Variants in RGS7 observed in about 807,000 individuals in gnomAD.
RGS7 encodes regulator of G-protein signaling 7.
In RGS7, 27 loss-of-function variants were observed where a neutral mutation model predicts 81.1. The ratio of observed to expected loss-of-function variants is 0.33; its 90% CI spans 0.25 to 0.46. RGS7 has a LOEUF of 0.46. RGS7 is among the 20% of genes least tolerant of loss of function. The probability of loss-of-function intolerance (pLI) is 1.00; values close to 1 mark genes in which losing one functional copy is unlikely to be tolerated. For synonymous variants in RGS7, 208 were observed against 207.7 expected (o/e 1.00, Z -0.01); for missense variants, 396 against 607.4 (o/e 0.65, Z 3.66).
chr1:241,157,130 A>C (rs568520431), intron 2 of RGS7, among the ~76,000 whole-genome samples: 5 of 152,320 alleles, frequency 3.3e-5, no homozygotes, highest in Admixed American at 3.3e-4. Flanking sequence ...GAATTAAAAA[A>C]AAAAAAAGAC....
chr1:241,151,584 T>TG (rs1166003589), intron 2 of RGS7, among the ~76,000 whole-genome samples: 2 of 150,624 alleles, frequency 1.3e-5, no homozygotes, highest in African/African-American at 4.9e-5. Context: ...TTTTTTTTTT[T>TG]TTTACTTTAA....
chr1:241,087,995 T>C (rs141066003), intron 3 of RGS7, among the ~76,000 whole-genome samples: 8,323 of 115,788 alleles, frequency 0.072, 308 homozygotes, highest in East Asian at 0.094. Context: ...TATATATATA[T>C]ACACACACAC....
intron 2 of RGS7, among the ~76,000 whole-genome samples, chr1:241,170,798 A>T (rs990732762): frequency 6.6e-6 from 1 of 151,564 alleles, no homozygotes; most frequent in Non-Finnish European, 1.5e-5. Flanking sequence ...AAAATTATTT[A>T]TGTTGCATTT....
chr1:241,073,952 G>A (rs2062642053), intron 3 of RGS7, among the ~76,000 whole-genome samples: 1 of 151,076 alleles, frequency 6.6e-6, no homozygotes, highest in Non-Finnish European at 1.5e-5. Context: ...CCAGGCTGGA[G>A]TGCAGTGGCA....
chr1:241,221,020 AGG>A (rs2074933932), intron 2 of RGS7, among the ~76,000 whole-genome samples: 5 of 113,902 alleles, frequency 4.4e-5, no homozygotes, highest in African/African-American at 1.5e-4. Context: ...GAAGGAAGGA[AGG>A]AAGGAAGGAA....
At chr1:241,089,976 A>T (rs2063767422) in intron 3 of RGS7, among the ~76,000 whole-genome samples, 1 of 140,714 alleles carries the variant, frequency 7.1e-6, no homozygotes. Flanking sequence ...CCTGGGCGGC[A>T]GAGTGAGACT....
intron 9 of RGS7, among the ~76,000 whole-genome samples, chr1:240,864,361 G>A (rs1457433647): frequency 6.6e-6 from 1 of 152,190 alleles, no homozygotes; most frequent in African/African-American, 2.4e-5. Context: ...AAGGAAACAT[G>A]TTTTAGTCAT....
At chr1:241,007,968 G>A (rs1044816957) in intron 3 of RGS7, among the ~76,000 whole-genome samples, 41 of 152,126 alleles carry the variant, frequency 2.7e-4, no homozygotes, top group African/African-American at 4.8e-5. Context: ...GGAGGAGGAA[G>A]TAAGAAAATT....
intron 2 of RGS7, among the ~76,000 whole-genome samples, chr1:241,349,410 A>T (rs1022369709): frequency 2.6e-5 from 4 of 152,194 alleles, no homozygotes; most frequent in African/African-American, 9.7e-5. Flanking sequence ...ATTTTTCCAG[A>T]CGACAAAACA....
chr1:241,192,202 GTGTGTT>G (rs1378522157), intron 2 of RGS7, among the ~76,000 whole-genome samples: 14 of 131,574 alleles, frequency 1.1e-4, no homozygotes, highest in African/African-American at 3.5e-4. Context: ...GTGTGTGTGT[GTGTGTT>G]TTGCTTTGAT....
rs190650093 is a variant in RGS7 at position 240,840,553 on chromosome 1, G to A, written c.610-13381C>T. Among the ~76,000 whole-genome samples, 6 of 152,324 alleles carry A rather than the reference G, an allele frequency of 3.9e-5. No individual in the cohort carries two copies. The East Asian group carries it at 9.7e-4, about 25-fold the overall frequency. ...TGCACAAAGTGCTGGGATTTCAGGC[G>A]TGACCCACTGCGCCCGGCCTCACTG... On this transcript the variant is annotated intron_variant, in intron 9 of 18. Transcript: ENST00000440928.
chr1:240,784,370 A>G (rs1245761413), intron 18 of RGS7, among the ~76,000 whole-genome samples: 2 of 151,316 alleles, frequency 1.3e-5, no homozygotes, highest in African/African-American at 4.9e-5. Flanking sequence ...GCCGGGTACG[A>G]TGTCTCACGC....
rs116070171 is a variant in RGS7 at position 241,309,741 on chromosome 1, A to C, written c.78+45958T>G. Among the ~76,000 whole-genome samples the C allele has an allele frequency of 5.9e-3, 900 of 152,362 alleles. 10 individuals are homozygous for C. Among genetic ancestry groups the C allele is most frequent in the African/African-American group, 0.021 (858 of 41,580 alleles). ...AGGAGTCCTGGTTTACTGAAAATTT[A>C]GGAAAGGAATGCAGATTGTGACATT... On this transcript the variant is annotated intron_variant, in intron 2 of 18. Transcript: ENST00000440928.
chr1:241,208,624 G>C (rs2074065894), intron 2 of RGS7, among the ~76,000 whole-genome samples: 1 of 152,024 alleles, frequency 6.6e-6, no homozygotes, highest in Admixed American at 6.5e-5. Flanking sequence ...TGCAAATCTA[G>C]CACAGTTTCC....
intron 2 of RGS7, among the ~76,000 whole-genome samples, chr1:241,343,384 C>T (rs1201545191): frequency 6.6e-6 from 1 of 152,150 alleles, no homozygotes; most frequent in Non-Finnish European, 1.5e-5. Flanking sequence ...ATGTTCACTG[C>T]ACTATTATAT....
chr1:240,793,611 A>ATATATATATATATATATATATAT, intron 18 of RGS7, among the ~76,000 whole-genome samples: 2 of 78,808 alleles, frequency 2.5e-5, no homozygotes, highest in African/African-American at 1.9e-4. Context: ...ATATATATAT[A>ATATATATATATATATATATATAT]TTTTTTTTTT....
intron 2 of RGS7, among the ~76,000 whole-genome samples, chr1:241,226,567 C>CATGA: frequency 6.6e-6 from 1 of 152,286 alleles, no homozygotes; most frequent in Non-Finnish European, 1.5e-5. Flanking sequence ...CACCCCTGCA[C>CATGA]TCATGGATCT....
chr1:240,915,395 T>C (rs935249467), intron 6 of RGS7, among the ~76,000 whole-genome samples: 4 of 151,838 alleles, frequency 2.6e-5, no homozygotes, highest in African/African-American at 9.7e-5. Context: ...ATACAAAGCA[T>C]CCCCCTTCCC....
intron 9 of RGS7, among the ~76,000 whole-genome samples, chr1:240,857,894 T>C (rs1326401426): frequency 6.6e-6 from 1 of 152,132 alleles, no homozygotes; most frequent in Non-Finnish European, 1.5e-5. Flanking sequence ...TCTCAGGAGA[T>C]CTGACGGTTT....
Sources: gnomAD v4.1 joint callset for allele counts (sites outside exome capture counted in the v4.1 genomes callset) on GRCh38, gnomAD v4.1.1 for gene constraint, MANE v1.5 for transcripts, NCBI Gene and HGNC (gene_info 2026-07-23, HGNC 2026-07-21) for gene names.